WDR37: variants seen among roughly 807,000 people sequenced by gnomAD.
WDR37 encodes WD repeat-containing protein 37.
Under a neutral mutation model 62.9 loss-of-function variants are expected in WDR37, and 19 were observed. The ratio of observed to expected loss-of-function variants is 0.30; its 90% CI spans 0.21 to 0.44. The LOEUF (loss-of-function observed/expected upper bound fraction) is 0.44, where lower values mean the gene tolerates loss of function less well. Ranked by LOEUF, WDR37 falls within the 20% of genes least tolerant of loss-of-function variation. The probability of loss-of-function intolerance (pLI) is 1.00; values close to 1 mark genes in which losing one functional copy is unlikely to be tolerated. For synonymous variants in WDR37, 250 were observed against 260.9 expected (o/e 0.96, Z 0.40); for missense variants, 474 against 657.6 (o/e 0.72, Z 3.05).
Position 1,068,991 on chromosome 10 carries a change from A to C in WDR37, c.-40-3125A>C, listed in dbSNP as rs989845772. 5.3e-5 allele frequency among the ~76,000 whole-genome samples: 8 copies of C among 152,218 alleles called. No homozygotes were observed. The East Asian group carries it at 7.7e-4, about 15-fold the overall frequency. ...TTTTTATGAAATGGCCAGAACAGGC[A>C]GATTCATATGGAGAGAAAGTAAATT... On this transcript the variant is annotated intron_variant, in intron 1 of 13. Transcript: ENST00000263150.
rs1337620656 is a variant in WDR37 at position 1,086,319 on chromosome 10, G to T, written c.566G>T (p.Gly189Val). The change falls in exon 7 of 14, where the codon GGG becomes GTG. Residue 189 changes from glycine (G) to valine (V), a missense_variant. By Grantham distance (109) the Gly-to-Val change is moderately radical. Coordinates refer to ENST00000263150, the MANE Select transcript of WDR37 (RefSeq NM_014023.4). ...GCTTTGCTGTGGAGCATAGAGACAG[G>T]GAAGTGCCTAGTCAAGTACGCAGGC... ...HTALLWSIET[G>V]KCLVKYAGHV... 1.9e-6 allele frequency: 3 copies of T among 1,614,046 alleles called. No individual in the cohort carries two copies. The African/African-American group carries it at 4.0e-5, about 22-fold the overall frequency.
intron 11 of WDR37, among the ~76,000 whole-genome samples, chr10:1,116,539 T>C (rs949097338): frequency 6.6e-6 from 1 of 152,176 alleles, no homozygotes; most frequent in Non-Finnish European, 1.5e-5. Flanking sequence ...TTAATAAAGG[T>C]GATTTTATTT....
At position 1,080,123 on chromosome 10, in the gene WDR37, G is replaced by T; in HGVS notation, c.331+17G>T. On this transcript the variant is annotated intron_variant, in intron 4 of 13. Transcript: ENST00000263150. ...AAACAAAAGGTAAGGTGAATCCCATGAAAGTCTTGTCCTGCAGATTATACA... is the reference window on the plus strand; with the variant it reads ...AAACAAAAGGTAAGGTGAATCCCATTAAAGTCTTGTCCTGCAGATTATACA... 6.2e-7 allele frequency: 1 copy of T among 1,613,386 alleles called. No individual in the cohort carries two copies. Among genetic ancestry groups the T allele is most frequent in the Non-Finnish European group, 8.5e-7 (1 of 1,179,494 alleles).
chr10:1,123,054 T>G (rs1835635111), intron 11 of WDR37, among the ~76,000 whole-genome samples: 1 of 152,226 alleles, frequency 6.6e-6, no homozygotes, highest in Non-Finnish European at 1.5e-5. Flanking sequence ...TTATGGTACT[T>G]TTCATCTTTA....
chr10:1,099,592 C>T (rs1834720269), intron 9 of WDR37, among the ~76,000 whole-genome samples: 1 of 152,200 alleles, frequency 6.6e-6, no homozygotes, highest in African/African-American at 2.4e-5. Context: ...CAGTTTTGTT[C>T]TCTTTGTGGA....
At chr10:1,066,381 G>A (rs1413389658) in intron 1 of WDR37, among the ~76,000 whole-genome samples, 2 of 152,212 alleles carry the variant, frequency 1.3e-5, no homozygotes, top group East Asian at 1.9e-4. Flanking sequence ...CTCCCAAAGT[G>A]CTGGGATTAT....
intron 11 of WDR37, among the ~76,000 whole-genome samples, chr10:1,110,711 C>A (rs927077457): frequency 3.3e-5 from 5 of 152,228 alleles, no homozygotes; most frequent in African/African-American, 9.6e-5. Context: ...CACCCTGGGT[C>A]CCCTGCCTTC....
At chr10:1,114,923 T>C (rs1835340393) in intron 11 of WDR37, among the ~76,000 whole-genome samples, 1 of 152,228 alleles carries the variant, frequency 6.6e-6, no homozygotes, top group African/African-American at 2.4e-5. Flanking sequence ...CAAGAGGCTT[T>C]TGCTGTCATG....
intron 3 of WDR37, 29 bp downstream of exon 3, chr10:1,078,032 T>C: frequency 6.5e-7 from 1 of 1,528,726 alleles, no homozygotes; most frequent in Non-Finnish European, 9.0e-7. Context: ...AATATACTTT[T>C]ATAGCTTTAC....
In WDR37 at chr10:1,096,223, C is replaced by G. The variant is rs750430192; in HGVS notation, c.703C>G (p.Pro235Ala). The G allele has an allele frequency of 6.2e-7, 1 of 1,614,126 alleles. No individual in the cohort carries two copies. Among genetic ancestry groups the G allele is most frequent in the Non-Finnish European group, 8.5e-7 (1 of 1,180,032 alleles). Residue 235 changes from proline to alanine, a missense_variant, in exon 9 of 14, where the codon CCC becomes GCC. Transcript: ENST00000263150. Reference protein sequence around the residue: ...IWRYAVQLPTPQPVADTSISG... With the variant: ...IWRYAVQLPTAQPVADTSISG... ...GAGATACGCGGTGCAGCTGCCGACACCCCAGCCTGTTGCTGACACTAGTGT... is the reference window on the plus strand; with the variant it reads ...GAGATACGCGGTGCAGCTGCCGACAGCCCAGCCTGTTGCTGACACTAGTGT...
chr10:1,105,135 A>C lies in WDR37; in HGVS notation c.971A>C (p.Gln324Pro). Residue 324 changes from glutamine (Q) to proline (P), a missense_variant, in exon 11 of 14, where the codon CAG becomes CCG. Gln to Pro is a moderately conservative substitution (Grantham distance 76, BLOSUM62 -1). Coordinates refer to ENST00000263150, the MANE Select transcript of WDR37 (RefSeq NM_014023.4). This position sits in a 1 kb window ranked among gnomAD's most constrained non-coding sequence, Gnocchi z 5.3. ...ELVHSLTGHDQELTHCCTHPT... is the reference protein window; with the variant it reads ...ELVHSLTGHDPELTHCCTHPT... ...GCCATCTTGGTTACAGGGCACGACC[A>C]GGAGTTGACGCACTGCTGCACACAC... is the stretch of plus-strand genomic sequence containing the variant. 6.2e-7 allele frequency: 1 copy of C among 1,614,058 alleles called. No individual in the cohort carries two copies.
intron 7 of WDR37, among the ~76,000 whole-genome samples, chr10:1,091,137 C>T (rs1004713538): frequency 6.6e-6 from 1 of 152,238 alleles, no homozygotes; most frequent in Non-Finnish European, 1.5e-5. Flanking sequence ...CCACAGCTCC[C>T]GTCACCATGT....
At chr10:1,074,306 TG>T in intron 2 of WDR37, 2 of 1,202,154 alleles carry the variant, frequency 1.7e-6, no homozygotes, top group Non-Finnish European at 2.1e-6. Flanking sequence ...TTCTGGGCCC[TG>T]AATGCCCATT....
rs560474496 is a variant in WDR37, at chr10:1,116,278, G to T, written c.1104-7940G>T. ...CTCTGCCCTGTCCATCACCCACCCC[G>T]CCCCGGGTCTCTGCCATGTCTCTCA... On this transcript the variant is annotated intron_variant, in intron 11 of 13. Coordinates refer to ENST00000263150, the MANE Select transcript of WDR37 (RefSeq NM_014023.4). Among the ~76,000 whole-genome samples the T allele has an allele frequency of 2.7e-5, 4 of 146,366 alleles. No homozygotes were observed. In the East Asian group the frequency reaches 8.1e-4, roughly 30 times the overall value.
intron 1 of WDR37, among the ~76,000 whole-genome samples, chr10:1,061,439 C>T (rs1213400478): frequency 6.6e-6 from 1 of 152,182 alleles, no homozygotes; most frequent in African/African-American, 2.4e-5. Context: ...AAATCCATAA[C>T]ATGACACAAG....
intron 13 of WDR37, among the ~76,000 whole-genome samples, chr10:1,127,358 T>G (rs1370304887): frequency 6.6e-6 from 1 of 152,242 alleles, no homozygotes; most frequent in East Asian, 1.9e-4. Context: ...AATAGATTTA[T>G]TTTTAAGATT....
intron 7 of WDR37, among the ~76,000 whole-genome samples, chr10:1,087,733 C>T (rs1834248173): frequency 6.6e-6 from 1 of 152,160 alleles, no homozygotes; most frequent in Non-Finnish European, 1.5e-5. Flanking sequence ...TTCTTAAGGG[C>T]CCTGGGATTT....
intron 13 of WDR37, among the ~76,000 whole-genome samples, chr10:1,127,151 A>G (rs1002835930): frequency 6.6e-6 from 1 of 152,206 alleles, no homozygotes; most frequent in Non-Finnish European, 1.5e-5. Context: ...CATGAAAACT[A>G]TTTGTTTATG....
intron 2 of WDR37, among the ~76,000 whole-genome samples, chr10:1,075,968 C>A (rs777886357): frequency 2.0e-5 from 3 of 151,896 alleles, no homozygotes; most frequent in Non-Finnish European, 4.4e-5. Context: ...TTAGTAGAGA[C>A]GAAGTTTAAC....
Sources: gnomAD v4.1 joint callset for allele counts (sites outside exome capture counted in the v4.1 genomes callset) on GRCh38, gnomAD v4.1.1 for gene constraint, Gnocchi (gnomAD v3.1) non-coding constraint, MANE v1.5 for transcripts, NCBI Gene and HGNC (gene_info 2026-07-23, HGNC 2026-07-21) for gene names.